Variants in MMP26 observed in about 807,000 individuals in gnomAD.
MMP26 encodes the protein matrix metallopeptidase 26.
MMP26 carries 33 observed loss-of-function variants against 31.0 expected under a neutral mutation model. The ratio of observed to expected loss-of-function variants is 1.06; its 90% CI spans 0.81 to 1.42. The LOEUF is 1.42. Among genes scored for constraint, MMP26 ranks in the 40% most tolerant of loss-of-function variants. The probability of loss-of-function intolerance (pLI) is 0.00; values close to 1 mark genes in which losing one functional copy is unlikely to be tolerated. For synonymous variants in MMP26, 122 were observed against 114.9 expected, an observed-to-expected ratio of 1.06 and a Z score of -0.40; for missense variants, 347 against 316.1, an observed-to-expected ratio of 1.10 and a Z score of -0.74.
intron 2 of MMP26, among the ~76,000 whole-genome samples, chr11:4,808,760 C>CTT (rs11335702): frequency 1.4e-3 from 195 of 142,434 alleles, no homozygotes; most frequent in African/African-American, 4.7e-3. Context: ...CTCAGATTTT[C>CTT]TTTTTTTTTT....
Position 4,976,802 on chromosome 11 carries a change from A to G in MMP26, c.-144-11266A>G, listed in dbSNP as rs185812603. ...ATTAGCCATTGAAGGTTAACATCCT[A>G]TGAGACCTATTCTTCTTTATTCAAC... On this transcript the variant is annotated intron_variant, in intron 2 of 7. Transcript: ENST00000380390. Among the ~76,000 whole-genome samples, 587 of 152,140 alleles carry G rather than the reference A, an allele frequency of 3.9e-3. 1 individual carries two copies. Among genetic ancestry groups the G allele is most frequent in the Non-Finnish European group, 6.9e-3 (471 of 68,008 alleles).
chr11:4,847,315 C>T (rs994434928), intron 2 of MMP26, among the ~76,000 whole-genome samples: 5 of 152,032 alleles, frequency 3.3e-5, no homozygotes, highest in South Asian at 2.1e-4. Context: ...GAATTGAGAC[C>T]GATAATTCCA....
At chr11:4,726,876 G>A (rs1267378800) in intron 1 of MMP26, among the ~76,000 whole-genome samples, 1 of 152,056 alleles carries the variant, frequency 6.6e-6, no homozygotes, top group Non-Finnish European at 1.5e-5. Flanking sequence ...GGCATGATAG[G>A]GCTTACACCT....
chr11:4,768,432 C>A (rs1231700846), intron 2 of MMP26, among the ~76,000 whole-genome samples: 1 of 152,178 alleles, frequency 6.6e-6, no homozygotes, highest in African/African-American at 2.4e-5. Flanking sequence ...AAGGATGGAA[C>A]CATGGAGATC....
intron 2 of MMP26, among the ~76,000 whole-genome samples, chr11:4,773,368 A>G (rs1410952351): frequency 1.3e-5 from 2 of 152,208 alleles, no homozygotes; most frequent in East Asian, 3.8e-4. Context: ...CCAGCTAACA[A>G]CCAGCCAAGA....
chr11:4,821,010 G>A (rs1849489005), intron 2 of MMP26, among the ~76,000 whole-genome samples: 1 of 152,056 alleles, frequency 6.6e-6, no homozygotes, highest in Non-Finnish European at 1.5e-5. Flanking sequence ...TTTCAGATAT[G>A]ACTTAGTTTG....
intron 2 of MMP26, among the ~76,000 whole-genome samples, chr11:4,788,439 G>T (rs571117208): frequency 6.6e-6 from 1 of 152,022 alleles, no homozygotes; most frequent in Non-Finnish European, 1.5e-5. Flanking sequence ...AAGGAAAATG[G>T]CTTCTAAGAA....
chr11:4,785,112 C>G (rs56295748), intron 2 of MMP26, among the ~76,000 whole-genome samples: 27 of 152,116 alleles, frequency 1.8e-4, no homozygotes, highest in African/African-American at 5.3e-4. Context: ...CTGCAAAATA[C>G]AGTCTGCTAC....
intron 2 of MMP26, among the ~76,000 whole-genome samples, chr11:4,770,746 G>A (rs1848705120): frequency 6.6e-6 from 1 of 152,124 alleles, no homozygotes; most frequent in Non-Finnish European, 1.5e-5. Flanking sequence ...GGGAGGCTGA[G>A]GCAGGAGAAT....
At chr11:4,972,833 C>G (rs1157515795) in intron 2 of MMP26, 1 of 152,144 alleles carries the variant, frequency 6.6e-6, no homozygotes, top group African/African-American at 2.4e-5. Context: ...TCCTAATGAA[C>G]AGATTGAGAA....
intron 2 of MMP26, among the ~76,000 whole-genome samples, chr11:4,817,829 G>A (rs1042685694): frequency 1.3e-5 from 2 of 152,126 alleles, no homozygotes; most frequent in African/African-American, 2.4e-5. Context: ...TATATGCAGG[G>A]CTTCTTAGAG....
intron 2 of MMP26, chr11:4,908,099 A>G (rs1263338567): frequency 1.2e-6 from 2 of 1,614,084 alleles, no homozygotes; most frequent in Non-Finnish European, 1.7e-6. Flanking sequence ...TGTCTCCCAC[A>G]TCTGTGCTGT....
chr11:4,706,751 T>A (rs1450396283), intron 1 of MMP26, among the ~76,000 whole-genome samples: 2 of 152,186 alleles, frequency 1.3e-5, no homozygotes, highest in Non-Finnish European at 2.9e-5. Flanking sequence ...TTTATACCTG[T>A]TTAACAGCAT....
chr11:4,920,719 AGAGAAATTGTG>A (rs1424886511), intron 2 of MMP26, among the ~76,000 whole-genome samples: 2 of 152,184 alleles, frequency 1.3e-5, no homozygotes, highest in East Asian at 3.9e-4. Context: ...CCAAATAGGG[AGAGAAATTGTG>A]TTATAAAAAT....
Position 4,953,600 on chromosome 11 carries a change from G to A in MMP26, c.-144-34468G>A, listed in dbSNP as rs143805534. On this transcript the variant is annotated intron_variant, in intron 2 of 7. Coordinates refer to ENST00000380390, the MANE Select transcript of MMP26 (RefSeq NM_021801.5). ...ATGCCTTACACAAAATTGGTGTCAAGCATTTTAACAAAAGAGTTCTGATGT... is the reference window on the plus strand; with the variant it reads ...ATGCCTTACACAAAATTGGTGTCAAACATTTTAACAAAAGAGTTCTGATGT... Among the ~76,000 whole-genome samples, 18 of 125,950 alleles carry A rather than the reference G, an allele frequency of 1.4e-4. 3 individuals are homozygous for A. The highest frequency in any genetic ancestry group is 2.5e-4 in the Non-Finnish European group (14 of 55,508). The allele number at this position is 125,950 out of a possible 152,430, so 82.6% of individuals were successfully genotyped here.
At chr11:4,921,470 A>G (rs1490168040) in intron 2 of MMP26, among the ~76,000 whole-genome samples, 1 of 152,266 alleles carries the variant, frequency 6.6e-6, no homozygotes, top group Non-Finnish European at 1.5e-5. Flanking sequence ...CCAAAGGCTG[A>G]TGGCTTCATC....
At chr11:4,807,022 G>T (rs1452977517) in intron 2 of MMP26, among the ~76,000 whole-genome samples, 2 of 151,980 alleles carry the variant, frequency 1.3e-5, no homozygotes, top group Non-Finnish European at 2.9e-5. Context: ...GCAATATAAG[G>T]GGTGCTGGCC....
intron 2 of MMP26, among the ~76,000 whole-genome samples, chr11:4,857,857 C>T (rs987138053): frequency 2.0e-5 from 3 of 152,172 alleles, no homozygotes; most frequent in African/African-American, 7.2e-5. Flanking sequence ...TCCAGCAGCA[C>T]ATCAAAAAGC....
chr11:4,907,245 A>C, intron 2 of MMP26: 2 of 610,778 alleles, frequency 3.3e-6, no homozygotes, highest in Admixed American at 2.9e-5. Context: ...GCAGCCAAAT[A>C]TGCCTTTGAG....
Sources: allele counts gnomAD v4.1 joint callset (sites outside exome capture counted in the v4.1 genomes callset), GRCh38; gene constraint gnomAD v4.1.1; transcripts MANE v1.5; gene names NCBI Gene and HGNC (gene_info 2026-07-23, HGNC 2026-07-21).